ERC2: variants seen among roughly 807,000 people sequenced by gnomAD.
ERC2 encodes the protein ERC protein 2.
ERC2 carries 42 observed loss-of-function variants against 114.8 expected under a neutral mutation model. The ratio of observed to expected loss-of-function variants is 0.37; its 90% confidence interval spans 0.29 to 0.47. The LOEUF (loss-of-function observed/expected upper bound fraction) is 0.47. ERC2 is among the 20% of genes least tolerant of loss of function. The probability of loss-of-function intolerance (pLI) is 0.99; values close to 1 mark genes in which losing one functional copy is unlikely to be tolerated. For synonymous variants in ERC2, 454 were observed against 425.5 expected, an observed-to-expected ratio of 1.07 and a Z score of -0.82; for missense variants, 939 against 1,150.7, an observed-to-expected ratio of 0.82 and a Z score of 2.66.
At chr3:55,903,799 G>T (rs1195870191) in intron 13 of ERC2, among the ~76,000 whole-genome samples, 2 of 152,348 alleles carry the variant, frequency 1.3e-5, no homozygotes, top group Admixed American at 1.3e-4. Context: ...ATGGAGGCCA[G>T]GGCTGTCAGG....
chr3:56,028,927 T>A (rs1322255562), intron 7 of ERC2, among the ~76,000 whole-genome samples: 2 of 152,016 alleles, frequency 1.3e-5, no homozygotes, highest in Admixed American at 6.5e-5. Flanking sequence ...AAAACAGATG[T>A]TCGCTATAGG....
chr3:55,896,761 G>T (rs375025435), intron 13 of ERC2, among the ~76,000 whole-genome samples: 1 of 152,148 alleles, frequency 6.6e-6, no homozygotes. Context: ...CATTGGCTTG[G>T]TGTTACATAT....
In ERC2 at chr3:55,930,843, G is replaced by T. The variant is rs568079990; in HGVS notation, c.2403+19582C>A. On this transcript the variant is annotated intron_variant, in intron 13 of 17. Coordinates refer to ENST00000288221, the MANE Select transcript of ERC2 (RefSeq NM_015576.3). ...ACCTACAGAATGGGAGAAAATTTTT[G>T]CAATCTATCCATCTGACAAAGGGCT... Among the ~76,000 whole-genome samples the T allele has an allele frequency of 6.1e-3, 927 of 152,142 alleles. 8 individuals carry two copies. The highest frequency in any genetic ancestry group is 0.021 in the African/African-American group (887 of 41,514).
intron 7 of ERC2, among the ~76,000 whole-genome samples, chr3:56,062,163 T>C (rs1168914613): frequency 6.6e-6 from 1 of 152,202 alleles, no homozygotes; most frequent in Non-Finnish European, 1.5e-5. Flanking sequence ...ATACTGTTTC[T>C]TTTTTAAAAG....
At chr3:55,714,512 A>G (rs2063963725) in intron 15 of ERC2, among the ~76,000 whole-genome samples, 1 of 152,130 alleles carries the variant, frequency 6.6e-6, no homozygotes, top group Admixed American at 6.5e-5. Flanking sequence ...ACGTATTTGT[A>G]TTCACCAGAA....
intron 2 of ERC2, among the ~76,000 whole-genome samples, chr3:56,405,191 C>T (rs956582819): frequency 1.3e-5 from 2 of 152,158 alleles, no homozygotes; most frequent in African/African-American, 4.8e-5. Flanking sequence ...TGCCTGTAAT[C>T]CCAGCACCTT....
At chr3:56,070,462 CT>C (rs71974557) in intron 7 of ERC2, among the ~76,000 whole-genome samples, 59,224 of 120,304 alleles carry the variant, frequency 0.49, 12,329 homozygotes, top group Non-Finnish European at 0.55. Flanking sequence ...ATAAACAAAC[CT>C]TTTTTAAAAA....
chr3:55,785,989 CTTA>C (rs1465126082), intron 14 of ERC2, among the ~76,000 whole-genome samples: 1 of 152,156 alleles, frequency 6.6e-6, no homozygotes, highest in Admixed American at 6.5e-5. Flanking sequence ...TATCCTTTCA[CTTA>C]TTTTCTTAAT....
chr3:55,906,155 T>C (rs9842218), intron 13 of ERC2, among the ~76,000 whole-genome samples: 58,757 of 149,652 alleles, frequency 0.39, 11,779 homozygotes, highest in Admixed American at 0.49. Flanking sequence ...AAACAATACC[T>C]GATGTTTATG....
At chr3:56,419,034 T>C (rs1405220346) in intron 2 of ERC2, among the ~76,000 whole-genome samples, 2 of 152,198 alleles carry the variant, frequency 1.3e-5, no homozygotes, top group Non-Finnish European at 2.9e-5. Flanking sequence ...CAACAAGATA[T>C]ATCACTGCTT....
At chr3:55,613,893 G>A (rs1202843854) in intron 17 of ERC2, among the ~76,000 whole-genome samples, 4 of 142,694 alleles carry the variant, frequency 2.8e-5, no homozygotes, top group African/African-American at 7.8e-5. Context: ...GAGGCAAGGA[G>A]AATTGCTTGA....
intron 17 of ERC2, among the ~76,000 whole-genome samples, chr3:55,544,913 A>G (rs571313148): frequency 6.6e-6 from 1 of 152,320 alleles, no homozygotes; most frequent in South Asian, 2.1e-4. Flanking sequence ...CCTGTGACCA[A>G]TGTCAGACAA....
chr3:56,198,552 G>C (rs917859661), intron 3 of ERC2, among the ~76,000 whole-genome samples: 2 of 152,166 alleles, frequency 1.3e-5, no homozygotes, highest in Non-Finnish European at 2.9e-5. Flanking sequence ...TGATAGGTGT[G>C]GGTGACTGAT....
At chr3:55,733,336 A>G (rs1399798479) in intron 15 of ERC2, among the ~76,000 whole-genome samples, 1 of 152,008 alleles carries the variant, frequency 6.6e-6, no homozygotes, top group Non-Finnish European at 1.5e-5. Flanking sequence ...GAATGACCCC[A>G]GTGTCTGGCA....
At chr3:56,395,631 C>T (rs1560742800) in intron 2 of ERC2, among the ~76,000 whole-genome samples, 1 of 152,192 alleles carries the variant, frequency 6.6e-6, no homozygotes, top group East Asian at 1.9e-4. Context: ...ATGTGATGTG[C>T]CCCTTTTCCT....
intron 17 of ERC2, among the ~76,000 whole-genome samples, chr3:55,589,872 G>A (rs901622333): frequency 3.4e-4 from 52 of 152,162 alleles, no homozygotes; most frequent in African/African-American, 1.2e-3. Context: ...GAGCACATGG[G>A]GGCAAAAATG....
chr3:55,848,924 C>A (rs546024407), intron 14 of ERC2, among the ~76,000 whole-genome samples: 1 of 152,304 alleles, frequency 6.6e-6, no homozygotes, highest in Admixed American at 6.5e-5. Flanking sequence ...TGAGTGGAGG[C>A]AGTTTTTTTG....
chr3:55,784,044 G>C (rs1216853952), intron 14 of ERC2, among the ~76,000 whole-genome samples: 1 of 152,126 alleles, frequency 6.6e-6, no homozygotes, highest in Non-Finnish European at 1.5e-5. Context: ...AAGGGGAAGG[G>C]GTACTTGTTA....
intron 14 of ERC2, among the ~76,000 whole-genome samples, chr3:55,854,948 T>G (rs538942958): frequency 6.6e-6 from 1 of 152,314 alleles, no homozygotes; most frequent in East Asian, 1.9e-4. Flanking sequence ...CCTCACATCC[T>G]TGTTTGATGT....
Sources: allele counts gnomAD v4.1 joint callset (sites outside exome capture counted in the v4.1 genomes callset), GRCh38; gene constraint gnomAD v4.1.1; transcripts MANE v1.5; gene names NCBI Gene and HGNC (gene_info 2026-07-23, HGNC 2026-07-21).